EDN3: variants seen among roughly 807,000 people sequenced by gnomAD.
EDN3 encodes the protein endothelin-3.
Under a neutral mutation model 21.4 loss-of-function variants are expected in EDN3, and 9 were observed. The observed-to-expected ratio is 0.42, with a 90% CI of 0.25 to 0.73. EDN3 has a LOEUF of 0.73. Ranked by LOEUF, EDN3 falls within the 30% of genes least tolerant of loss-of-function variation. The pLI is 0.26. For missense variants in EDN3, 327 were observed against 309.4 expected, an observed-to-expected ratio of 1.06 and a Z score of -0.43; for synonymous variants, 133 against 126.2, an observed-to-expected ratio of 1.05 and a Z score of -0.36.
chr20:59,319,991 C>T lies in EDN3; in HGVS notation c.366-1026C>T, dbSNP rs11570334. Among the ~76,000 whole-genome samples, 54 of 152,330 alleles carry T rather than the reference C, an allele frequency of 3.5e-4. No homozygotes were observed. In the South Asian group the frequency reaches 8.5e-3, roughly 24 times the overall value. On this transcript the variant is annotated intron_variant, in intron 2 of 4. Transcript: ENST00000337938. ...TAAGGATCTGCTTTCAACTTCTTCCCGCTGAACTGCCTGGCAGGCACCCCC... is the reference window on the plus strand; with the variant it reads ...TAAGGATCTGCTTTCAACTTCTTCCTGCTGAACTGCCTGGCAGGCACCCCC...
chr20:59,311,389 G>C (rs1371794037), intron 2 of EDN3, among the ~76,000 whole-genome samples: 1 of 152,182 alleles, frequency 6.6e-6, no homozygotes, highest in Non-Finnish European at 1.5e-5. Flanking sequence ...GCAGTGGTAT[G>C]GGCTGCTTGA....
In EDN3 at chr20:59,321,125, C is replaced by T. The variant is rs756755957; in HGVS notation, c.474C>T (p.Arg158=). 4 of 1,614,256 alleles carry T rather than the reference C, an allele frequency of 2.5e-6. No homozygotes were observed. The South Asian group carries it at 4.4e-5, about 18-fold the overall frequency. ...NLQLSHRPHL[R]CACVGRYDKA... ...AGCTCTCACATCGGCCACACTTGCG[C>T]TGCGCTTGTGTGGGGAGATATGACA... is the stretch of plus-strand genomic sequence containing the variant. The change falls in exon 3 of 5, where the codon CGC becomes CGT. Residue 158 remains arginine, a synonymous_variant. Transcript: ENST00000337938.
intron 2 of EDN3, among the ~76,000 whole-genome samples, chr20:59,308,025 C>T (rs1389708069): frequency 6.6e-6 from 1 of 152,110 alleles, no homozygotes; most frequent in Non-Finnish European, 1.5e-5. Flanking sequence ...AATCCTTGGT[C>T]CATCACAAGT....
chr20:59,320,919 C>A, intron 2 of EDN3, 98 bp from the exon 3 acceptor site: 2 of 1,340,106 alleles, frequency 1.5e-6, no homozygotes, highest in Non-Finnish European at 2.1e-6. Flanking sequence ...GTTTCTGAGA[C>A]CTTTTCAGCC....
intron 2 of EDN3, among the ~76,000 whole-genome samples, chr20:59,311,247 G>C (rs545512195): frequency 6.6e-6 from 1 of 152,164 alleles, no homozygotes; most frequent in South Asian, 2.1e-4. Context: ...TACTGGAAAG[G>C]GGTCCCGATC....
chr20:59,311,826 T>A (rs1989835572), intron 2 of EDN3, among the ~76,000 whole-genome samples: 1 of 152,120 alleles, frequency 6.6e-6, no homozygotes, highest in African/African-American at 2.4e-5. Flanking sequence ...CGAACACCTC[T>A]GACAGAGCTA....
intron 2 of EDN3, among the ~76,000 whole-genome samples, chr20:59,316,584 G>C (rs1210287632): frequency 6.6e-6 from 1 of 152,062 alleles, no homozygotes; most frequent in Admixed American, 6.6e-5. Flanking sequence ...CTTAAAAACA[G>C]AATCTTTAAA....
intron 2 of EDN3, among the ~76,000 whole-genome samples, chr20:59,303,449 C>A (rs985674465): frequency 6.6e-6 from 1 of 152,212 alleles, no homozygotes; most frequent in Non-Finnish European, 1.5e-5. Flanking sequence ...ATGGAGGGCA[C>A]TGGGCAGTCA....
At position 59,322,336 on chromosome 20, in the gene EDN3, C is replaced by A. The variant is rs757789632; in HGVS notation, c.543-36C>A. On this transcript the variant is annotated intron_variant, in intron 3 of 4. Transcript: ENST00000337938. This position sits in a 1 kb window ranked among gnomAD's most constrained non-coding sequence, Gnocchi z 4.1. ...CCGAAAAACCAGCCACAGGGAAAGG[C>A]AGGTTGATTGATTAAAACCAGCTCT... 1 of 1,612,840 alleles carries A rather than the reference C, an allele frequency of 6.2e-7. No individual in the cohort carries two copies. The highest frequency in any genetic ancestry group is 1.1e-5 in the South Asian group (1 of 91,056).
At chr20:59,312,031 C>T (rs1015629638) in intron 2 of EDN3, among the ~76,000 whole-genome samples, 11 of 145,412 alleles carry the variant, frequency 7.6e-5, no homozygotes, top group Non-Finnish European at 1.3e-4. Flanking sequence ...ATCATGGTGT[C>T]GGCATTTTTT....
At chr20:59,321,636 T>A (rs558940411) in intron 3 of EDN3, among the ~76,000 whole-genome samples, 5 of 152,278 alleles carry the variant, frequency 3.3e-5, no homozygotes, top group African/African-American at 1.2e-4. Context: ...CGTAGGACCA[T>A]CTGGTCTCAG....
chr20:59,317,836 CAAT>C lies in EDN3; in HGVS notation c.366-3177_366-3175del, dbSNP rs566406672. Among the ~76,000 whole-genome samples the C allele has an allele frequency of 1.1e-4, 16 of 152,298 alleles. No individual in the cohort carries two copies. The East Asian group carries it at 2.9e-3, about 28-fold the overall frequency. On this transcript the variant is annotated intron_variant, in intron 2 of 4. Transcript: ENST00000337938. ...CACCATGAATTACCAGTTGCTCAATCAATAATCTGTTCGCCTGGCCTTGTGTGA... is the reference window on the plus strand; with the variant it reads ...CACCATGAATTACCAGTTGCTCAATCAATCTGTTCGCCTGGCCTTGTGTGA...
In EDN3 at chr20:59,300,840, G is replaced by C. The variant is rs1278249393; in HGVS notation, c.28G>C (p.Gly10Arg). 6.2e-7 allele frequency: 1 copy of C among 1,611,284 alleles called. No individual in the cohort carries two copies. Among genetic ancestry groups the C allele is most frequent in the Admixed American group, 1.7e-5 (1 of 59,980 alleles). Residue 10 changes from glycine (G) to arginine (R), a missense_variant, in exon 1 of 5, where the codon GGG becomes CGG. By Grantham distance (125) the Gly-to-Arg change is moderately radical. Coordinates refer to ENST00000337938, the MANE Select transcript of EDN3 (RefSeq NM_207034.3). MEPGLWLLF[G>R]LTVTSAAGFV... is the part of the protein sequence containing the mutation. ...GGAGCCGGGGCTGTGGCTCCTTTTC[G>C]GGCTCACAGTGACCTCCGCCGCAGG...
intron 3 of EDN3, 104 bp downstream of exon 3, chr20:59,321,297 A>T: frequency 7.5e-7 from 1 of 1,326,236 alleles, no homozygotes; most frequent in Admixed American, 1.7e-5. Context: ...GTTCAGTCAC[A>T]TCCTGACCTA....
At chr20:59,320,254 T>C (rs962520914) in intron 2 of EDN3, among the ~76,000 whole-genome samples, 1 of 152,258 alleles carries the variant, frequency 6.6e-6, no homozygotes, top group Non-Finnish European at 1.5e-5. Flanking sequence ...CTGATGTTTG[T>C]CTCTTTGAGG....
intron 2 of EDN3, among the ~76,000 whole-genome samples, chr20:59,309,743 G>T (rs574794132): frequency 1.3e-4 from 20 of 152,250 alleles, no homozygotes; most frequent in African/African-American, 4.8e-4. Context: ...GAGACTTAGG[G>T]CTAAGTTTCG....
At chr20:59,312,639 T>C (rs1325340288) in intron 2 of EDN3, among the ~76,000 whole-genome samples, 1 of 152,190 alleles carries the variant, frequency 6.6e-6, no homozygotes, top group Non-Finnish European at 1.5e-5. Context: ...CTAAATACAG[T>C]TGATGAGATC....
intron 2 of EDN3, among the ~76,000 whole-genome samples, chr20:59,317,744 G>T (rs1043513049): frequency 6.6e-6 from 1 of 152,214 alleles, no homozygotes; most frequent in Non-Finnish European, 1.5e-5. Flanking sequence ...GATTCTTTCA[G>T]TGATTTTTGT....
chr20:59,315,242 C>G (rs1208707457), intron 2 of EDN3, among the ~76,000 whole-genome samples: 1 of 152,228 alleles, frequency 6.6e-6, no homozygotes, highest in Non-Finnish European at 1.5e-5. Flanking sequence ...CAGGGAATGG[C>G]AGGAGGTAGT....
Sources: gnomAD v4.1 joint callset for allele counts (sites outside exome capture counted in the v4.1 genomes callset) on GRCh38, gnomAD v4.1.1 for gene constraint, Gnocchi (gnomAD v3.1) non-coding constraint, MANE v1.5 for transcripts, NCBI Gene and HGNC (gene_info 2026-07-23, HGNC 2026-07-21) for gene names.